RAI14: variants seen among roughly 807,000 people sequenced by gnomAD.
RAI14 encodes retinoic acid induced 14.
A neutral mutation model predicts 115.4 loss-of-function variants in RAI14; 45 were observed. The ratio of observed to expected loss-of-function variants is 0.39; its 90% CI spans 0.31 to 0.50. The LOEUF is 0.50. Among genes scored for constraint, RAI14 ranks in the 20% least tolerant of loss-of-function variants. The pLI, the probability that RAI14 is intolerant of heterozygous loss-of-function variation, is 0.85. For synonymous variants in RAI14, 371 were observed against 415.4 expected (o/e 0.89, Z 1.30); for missense variants, 939 against 1,131.2 (o/e 0.83, Z 2.44).
chr5:34,811,261 A>G (rs1473738310), intron 8 of RAI14, 143 bp downstream of exon 8: 2 of 997,246 alleles, frequency 2.0e-6, no homozygotes, highest in East Asian at 5.2e-5. Flanking sequence ...ACTGTTTCTG[A>G]TAATCAAGAA....
At chr5:34,753,421 A>C (rs775927153) in intron 2 of RAI14, among the ~76,000 whole-genome samples, 2 of 152,168 alleles carry the variant, frequency 1.3e-5, no homozygotes, top group African/African-American at 4.8e-5. Context: ...GAATGACTCA[A>C]AGTGCTTATT....
intron 3 of RAI14, among the ~76,000 whole-genome samples, chr5:34,789,272 A>G (rs1474425048): frequency 3.3e-5 from 5 of 152,192 alleles, no homozygotes; most frequent in African/African-American, 1.2e-4. Flanking sequence ...AGGGAAATCT[A>G]CCCACCATCA....
intron 15 of RAI14, 124 bp downstream of exon 15, chr5:34,824,615 G>A (rs1757252677): frequency 2.5e-6 from 2 of 784,760 alleles, no homozygotes; most frequent in Non-Finnish European, 3.8e-6. Flanking sequence ...CTCTGCACAT[G>A]AACTTTATCT....
At chr5:34,726,915 C>T (rs1743540826) in intron 2 of RAI14, among the ~76,000 whole-genome samples, 1 of 152,112 alleles carries the variant, frequency 6.6e-6, no homozygotes, top group African/African-American at 2.4e-5. Context: ...AGCATAAGAA[C>T]AGACTAATAC....
At chr5:34,789,307 A>G (rs754847738) in intron 3 of RAI14, among the ~76,000 whole-genome samples, 1 of 152,198 alleles carries the variant, frequency 6.6e-6, no homozygotes, top group Non-Finnish European at 1.5e-5. Flanking sequence ...TCTGTCACTG[A>G]CTGGTCATGT....
At chr5:34,805,813 C>T (rs1754822225) in intron 5 of RAI14, among the ~76,000 whole-genome samples, 1 of 152,106 alleles carries the variant, frequency 6.6e-6, no homozygotes, top group African/African-American at 2.4e-5. Flanking sequence ...TACACTTCAG[C>T]CTGGGTGACA....
At chr5:34,757,323 GA>G (rs758939793) in intron 2 of RAI14, 144 bp from the exon 3 acceptor site, 4 of 912,598 alleles carry the variant, frequency 4.4e-6, no homozygotes, top group Non-Finnish European at 7.1e-6. Context: ...TGGTGAAGGG[GA>G]AGGTATTTTA....
intron 7 of RAI14, 37 bp downstream of exon 7, chr5:34,808,691 A>T (rs539098766): frequency 1.3e-6 from 2 of 1,589,320 alleles, no homozygotes; most frequent in South Asian, 2.2e-5. Context: ...AGAGGTAGAC[A>T]TTGGTTTCTA....
chr5:34,781,062 C>A (rs1305625815), intron 3 of RAI14, among the ~76,000 whole-genome samples: 1 of 151,992 alleles, frequency 6.6e-6, no homozygotes, highest in African/African-American at 2.4e-5. Context: ...GAGTTCATGT[C>A]CTTTGTAGGG....
intron 2 of RAI14, among the ~76,000 whole-genome samples, chr5:34,720,401 ATTTTTTTTTTTTT>A (rs35380327): frequency 1.2e-5 from 1 of 80,230 alleles, no homozygotes; most frequent in South Asian, 4.3e-4. Flanking sequence ...CCTGTCTCAG[ATTTTTTTTTTTTT>A]TTTTTTTTTT....
At chr5:34,772,985 A>G (rs1181997283) in intron 3 of RAI14, among the ~76,000 whole-genome samples, 3 of 152,276 alleles carry the variant, frequency 2.0e-5, no homozygotes, top group East Asian at 3.9e-4. Flanking sequence ...ATTTTGCTAC[A>G]TTGCTGCTGA....
intron 1 of RAI14, among the ~76,000 whole-genome samples, chr5:34,681,149 G>A (rs1172818017): frequency 6.6e-6 from 1 of 152,214 alleles, no homozygotes; most frequent in Non-Finnish European, 1.5e-5. Context: ...CATTAGGAAG[G>A]TTGGTCTGGA....
chr5:34,796,170 G>A, intron 4 of RAI14, 143 bp downstream of exon 4: 1 of 620,680 alleles, frequency 1.6e-6, no homozygotes, highest in Non-Finnish European at 2.8e-6. Context: ...TGAGGTGTGT[G>A]GATCACTTGA....
intron 1 of RAI14, among the ~76,000 whole-genome samples, chr5:34,660,171 G>C (rs1742583577): frequency 6.6e-6 from 1 of 152,054 alleles, no homozygotes; most frequent in Non-Finnish European, 1.5e-5. Context: ...GTGAGACCCT[G>C]TCTCAGCTCC....
At chr5:34,801,452 A>G (rs981607309) in intron 4 of RAI14, among the ~76,000 whole-genome samples, 4 of 151,906 alleles carry the variant, frequency 2.6e-5, no homozygotes, top group Non-Finnish European at 5.9e-5. Flanking sequence ...TGATTTAGAA[A>G]GAAAAATGGG....
chr5:34,764,321 C>T (rs1025331202), intron 3 of RAI14, among the ~76,000 whole-genome samples: 3 of 152,190 alleles, frequency 2.0e-5, no homozygotes, highest in African/African-American at 4.8e-5. Context: ...TGAATTCCAC[C>T]TGCAGAGATT....
chr5:34,730,505 G>A (rs1355118221), intron 2 of RAI14, among the ~76,000 whole-genome samples: 8 of 151,898 alleles, frequency 5.3e-5, no homozygotes, highest in South Asian at 2.1e-4. Flanking sequence ...GCGAAACCCC[G>A]TCTCTACTAA....
At chr5:34,813,146 C>T (rs898760772) in intron 10 of RAI14, among the ~76,000 whole-genome samples, 5 of 152,186 alleles carry the variant, frequency 3.3e-5, no homozygotes, top group East Asian at 1.9e-4. Flanking sequence ...GTATTACTTA[C>T]CAGTAACCTT....
chr5:34,719,029 A>C (rs914107281), intron 2 of RAI14, among the ~76,000 whole-genome samples: 1 of 152,194 alleles, frequency 6.6e-6, no homozygotes, highest in Non-Finnish European at 1.5e-5. Flanking sequence ...ACAAATGACT[A>C]CTACTTTTAG....
Sources: allele counts gnomAD v4.1 joint callset (sites outside exome capture counted in the v4.1 genomes callset), GRCh38; gene constraint gnomAD v4.1.1; transcripts MANE v1.5; gene names NCBI Gene and HGNC (gene_info 2026-07-23, HGNC 2026-07-21).